Variants in MINDY4 observed in about 807,000 individuals in gnomAD.
MINDY4 encodes probable ubiquitin carboxyl-terminal hydrolase MINDY-4.
Under a neutral mutation model 87.0 loss-of-function variants are expected in MINDY4, and 68 were observed. The observed-to-expected ratio is 0.78, with a 90% CI of 0.64 to 0.96. The LOEUF is 0.96. Among genes scored for constraint, MINDY4 ranks in the 40% least tolerant of loss-of-function variants. MINDY4 has a pLI of 0.00. For synonymous variants in MINDY4, 379 were observed against 363.2 expected, an observed-to-expected ratio of 1.04 and a Z score of -0.50; for missense variants, 919 against 928.2, an observed-to-expected ratio of 0.99 and a Z score of 0.13.
rs569442364 is a variant in MINDY4 at position 30,829,642 on chromosome 7, G to A, written c.1132+905G>A. Among the ~76,000 whole-genome samples, 19 of 152,304 alleles carry A rather than the reference G, an allele frequency of 1.2e-4. No individual in the cohort carries two copies. In the South Asian group the frequency reaches 3.9e-3, roughly 32 times the overall value. ...GCCTCTGAGCTGCGGAGGTGGAGGT[G>A]GGGGTTTGTTTACTCTGCCTAACTG... is the stretch of plus-strand genomic sequence containing the variant. On this transcript the variant is annotated intron_variant, in intron 6 of 17. Coordinates refer to ENST00000265299, the MANE Select transcript of MINDY4 (RefSeq NM_032222.3).
chr7:30,877,337 G>A (rs1790292618), intron 15 of MINDY4, among the ~76,000 whole-genome samples: 2 of 152,158 alleles, frequency 1.3e-5, no homozygotes, highest in Admixed American at 1.3e-4. Flanking sequence ...TGTGGTCTGT[G>A]GAGGGTACTT....
At chr7:30,809,440 G>A (rs146647310) in intron 5 of MINDY4, among the ~76,000 whole-genome samples, 301 of 150,152 alleles carry the variant, frequency 2.0e-3, no homozygotes, top group African/African-American at 6.9e-3. Context: ...TAACCCAGCA[G>A]GTTTCCTAAC....
At chr7:30,829,488 G>A (rs1398300709) in intron 6 of MINDY4, among the ~76,000 whole-genome samples, 1 of 152,196 alleles carries the variant, frequency 6.6e-6, no homozygotes, top group African/African-American at 2.4e-5. Flanking sequence ...CTGTTCACAT[G>A]CTCTTCATCT....
chr7:30,828,532 G>C lies in MINDY4; in HGVS notation c.1074-147G>C, dbSNP rs565098698. On this transcript the variant is annotated intron_variant, in intron 5 of 17. Transcript: ENST00000265299. ...CCATGTGGAACCTGTGGCTGAGAGAGGGGGAGTATTCAAGGCACACAGAGG... is the reference window on the plus strand; with the variant it reads ...CCATGTGGAACCTGTGGCTGAGAGACGGGGAGTATTCAAGGCACACAGAGG... 1.8e-5 allele frequency: 13 copies of C among 730,944 alleles called. No homozygotes were observed. In the South Asian group the frequency reaches 1.8e-4, roughly 10 times the overall value. The allele number at this position is 730,944 out of a possible 1,614,324, so 45.3% of individuals were successfully genotyped here. A position where few individuals can be genotyped will look rare whatever the true frequency, so the allele number is the denominator to read the frequency against.
At chr7:30,822,799 C>T (rs1286848623) in intron 5 of MINDY4, among the ~76,000 whole-genome samples, 2 of 151,662 alleles carry the variant, frequency 1.3e-5, no homozygotes, top group Non-Finnish European at 2.9e-5. Context: ...CTACACTTGG[C>T]TAATTTTTGA....
chr7:30,839,743 G>T (rs1217127045), intron 8 of MINDY4, among the ~76,000 whole-genome samples: 1 of 152,112 alleles, frequency 6.6e-6, no homozygotes, highest in Non-Finnish European at 1.5e-5. Context: ...AGGGGAGGCG[G>T]TTTGAAAGTC....
chr7:30,850,379 C>T (rs1033004039), intron 9 of MINDY4, 75 bp from the exon 10 acceptor site: 1 of 1,379,052 alleles, frequency 7.3e-7, no homozygotes, highest in Non-Finnish European at 1.0e-6. Flanking sequence ...GACTGCCTGA[C>T]CACACTAAGT....
intron 14 of MINDY4, 63 bp from the exon 15 acceptor site, chr7:30,875,432 C>G: frequency 6.3e-7 from 1 of 1,575,744 alleles, no homozygotes; most frequent in Non-Finnish European, 8.7e-7. Context: ...CCCCAGTCTC[C>G]TCTCCACTCT....
chr7:30,795,872 C>T (rs1160088872), intron 5 of MINDY4, among the ~76,000 whole-genome samples: 2 of 152,178 alleles, frequency 1.3e-5, no homozygotes, highest in East Asian at 1.9e-4. Context: ...TCTGCTTTTC[C>T]CCTTCCTGCT....
chr7:30,870,122 A>G (rs1053017914), intron 13 of MINDY4, among the ~76,000 whole-genome samples: 43 of 152,092 alleles, frequency 2.8e-4, no homozygotes. Flanking sequence ...TGAATTTCCC[A>G]TCGTGTTTGC....
At chr7:30,796,665 T>A (rs1166978713) in intron 5 of MINDY4, 1 of 152,138 alleles carries the variant, frequency 6.6e-6, no homozygotes, top group Non-Finnish European at 1.5e-5. Context: ...AGAAAGGAAA[T>A]GACTCACTTG....
At chr7:30,883,061 G>A in intron 17 of MINDY4, 68 bp downstream of exon 17, 41 of 1,494,252 alleles carry the variant, frequency 2.7e-5, no homozygotes, top group Non-Finnish European at 3.7e-5. Flanking sequence ...GGTTGGGGGT[G>A]GTCAGGCCTG....
At chr7:30,845,756 G>A (rs963951642) in intron 9 of MINDY4, among the ~76,000 whole-genome samples, 8 of 152,164 alleles carry the variant, frequency 5.3e-5, no homozygotes, top group Admixed American at 3.3e-4. Flanking sequence ...ATGGAGGATG[G>A]GATCGCACCC....
intron 9 of MINDY4, among the ~76,000 whole-genome samples, chr7:30,844,430 C>T (rs1231883230): frequency 3.3e-5 from 5 of 152,010 alleles, no homozygotes; most frequent in Non-Finnish European, 7.4e-5. Flanking sequence ...CTCCCCAGCC[C>T]TCCCACCCCA....
chr7:30,855,417 G>A (rs538005577), intron 12 of MINDY4, among the ~76,000 whole-genome samples: 2 of 152,352 alleles, frequency 1.3e-5, no homozygotes, highest in South Asian at 4.1e-4. Context: ...GATGGCATCC[G>A]TGTGTGGGAT....
At chr7:30,775,138 G>A (rs140599963) in intron 1 of MINDY4, among the ~76,000 whole-genome samples, 117 of 152,162 alleles carry the variant, frequency 7.7e-4, no homozygotes, top group African/African-American at 1.5e-3. Flanking sequence ...ATTGGGTGTC[G>A]TACAATTCAA....
chr7:30,840,894 C>G (rs1228609837), intron 9 of MINDY4, 46 bp downstream of exon 9: 1 of 1,536,020 alleles, frequency 6.5e-7, no homozygotes, highest in South Asian at 1.1e-5. Flanking sequence ...CCCAAGTCTT[C>G]CCCAGAGTGT....
intron 1 of MINDY4, among the ~76,000 whole-genome samples, chr7:30,777,017 T>G (rs981846578): frequency 7.3e-5 from 11 of 151,488 alleles, no homozygotes; most frequent in Non-Finnish European, 1.5e-4. Flanking sequence ...TCTTTTTCTT[T>G]TTTTTTTTTA....
chr7:30,822,082 A>G (rs1277569388), intron 5 of MINDY4, among the ~76,000 whole-genome samples: 4 of 152,006 alleles, frequency 2.6e-5, no homozygotes, highest in Admixed American at 6.5e-5. Context: ...ATATCCTGAC[A>G]TTTCACTTGT....
Sources: allele counts gnomAD v4.1 joint callset (sites outside exome capture counted in the v4.1 genomes callset), GRCh38; gene constraint gnomAD v4.1.1; transcripts MANE v1.5; gene names NCBI Gene and HGNC (gene_info 2026-07-23, HGNC 2026-07-21).